The following TACC2 variants were observed in gnomAD, a reference collection of about 807,000 sequenced individuals.
TACC2 encodes the protein transforming acidic coiled-coil-containing protein 2.
Under a neutral mutation model 227.3 loss-of-function variants are expected in TACC2, and 137 were observed. That is an observed-to-expected ratio of 0.60 (90% CI 0.52 to 0.69). The LOEUF is 0.69. Ranked by LOEUF, TACC2 falls within the 30% of genes least tolerant of loss-of-function variation. The probability of loss-of-function intolerance (pLI) is 0.00; values close to 1 mark genes in which losing one functional copy is unlikely to be tolerated. For missense variants in TACC2, 3,470 were observed against 3,694.4 expected, an observed-to-expected ratio of 0.94 and a Z score of 1.57; for synonymous variants, 1,523 against 1,487.5, an observed-to-expected ratio of 1.02 and a Z score of -0.55.
intron 7 of TACC2, among the ~76,000 whole-genome samples, chr10:122,144,393 C>G (rs1213960913): frequency 6.6e-6 from 1 of 152,186 alleles, no homozygotes. Context: ...ATTTGGAACT[C>G]CTGTTTCCAT....
At chr10:122,089,738 T>G (rs2080524455) in intron 5 of TACC2, among the ~76,000 whole-genome samples, 1 of 152,210 alleles carries the variant, frequency 6.6e-6, no homozygotes, top group Non-Finnish European at 1.5e-5. Flanking sequence ...TGCAGGCATT[T>G]TATAAATGAT....
chr10:122,176,179 T>C (rs1287163471), intron 7 of TACC2, among the ~76,000 whole-genome samples: 1 of 147,594 alleles, frequency 6.8e-6, no homozygotes, highest in Non-Finnish European at 1.5e-5. Flanking sequence ...AGTTGTAAGA[T>C]AGAAAAGGCC....
At chr10:122,185,118 G>C (rs1210984125) in intron 7 of TACC2, among the ~76,000 whole-genome samples, 1 of 148,476 alleles carries the variant, frequency 6.7e-6, no homozygotes, top group Non-Finnish European at 1.5e-5. Context: ...CTCCTGCCTC[G>C]GCCTCCCAAA....
intron 5 of TACC2, among the ~76,000 whole-genome samples, chr10:122,121,765 A>G (rs897781031): frequency 1.3e-5 from 2 of 152,172 alleles, no homozygotes; most frequent in African/African-American, 4.8e-5. Flanking sequence ...CTGTGGGCTA[A>G]GAATTCAGCA....
chr10:122,236,547 T>C (rs2095859801), intron 16 of TACC2, among the ~76,000 whole-genome samples: 1 of 151,568 alleles, frequency 6.6e-6, no homozygotes, highest in Admixed American at 6.6e-5. Flanking sequence ...GTGTTGCAAA[T>C]TGCCGAGCAT....
chr10:122,192,287 C>T (rs1004787210), intron 7 of TACC2, among the ~76,000 whole-genome samples: 8 of 152,202 alleles, frequency 5.3e-5, no homozygotes, highest in African/African-American at 9.7e-5. Flanking sequence ...CGATCGTGAA[C>T]GGCGGTCCCT....
At chr10:122,239,237 G>C (rs528740210) in intron 18 of TACC2, among the ~76,000 whole-genome samples, 9 of 152,304 alleles carry the variant, frequency 5.9e-5, no homozygotes, top group African/African-American at 1.9e-4. Context: ...TTGAACTCCT[G>C]ACCTTAGGTG....
chr10:122,016,136 C>T (rs1956581655), intron 1 of TACC2, among the ~76,000 whole-genome samples: 2 of 151,396 alleles, frequency 1.3e-5, no homozygotes, highest in Non-Finnish European at 2.9e-5. Context: ...GTGGTGCACA[C>T]CTGTAGTCCC....
intron 7 of TACC2, among the ~76,000 whole-genome samples, chr10:122,158,987 A>C (rs1212193202): frequency 3.3e-5 from 5 of 152,192 alleles, no homozygotes; most frequent in African/African-American, 1.2e-4. Flanking sequence ...AGACACAGAC[A>C]CACCTGAGAC....
rs553632378 is a variant in TACC2, at chr10:122,084,860, T to C, written c.2360T>C (p.Leu787Ser). The C allele has an allele frequency of 1.2e-6, 2 of 1,613,892 alleles. No homozygotes were observed. Among genetic ancestry groups the C allele is most frequent in the Non-Finnish European group, 1.7e-6 (2 of 1,180,016 alleles). ...GVPHPPQGEN[L>S]AADLGLTALI... is the part of the protein sequence containing the mutation. ...CCACATCCCCCCCAGGGGGAGAACT[T>C]GGCAGCAGACCTGGGGCTCACGGCA... Residue 787 changes from leucine (L) to serine (S), a missense_variant, in exon 4 of 23, where the codon TTG (leucine) becomes TCG (serine). Physicochemically the swap from Leu to Ser is moderately radical, Grantham distance 145 (BLOSUM62 -2). This residue lies in a region of TACC2 where 1,924 missense variants were observed against 1,978.3 expected (regional missense o/e 0.97). Transcript: ENST00000369005.
intron 5 of TACC2, among the ~76,000 whole-genome samples, chr10:122,123,014 A>C (rs183513628): frequency 2.6e-5 from 4 of 151,924 alleles, no homozygotes; most frequent in Admixed American, 1.3e-4. Context: ...CTGGTTTTGG[A>C]GATCATTTTT....
intron 11 of TACC2, 187 bp downstream of exon 11, chr10:122,217,015 C>T: frequency 2.4e-6 from 3 of 1,251,768 alleles, no homozygotes; most frequent in Non-Finnish European, 2.2e-6. Flanking sequence ...GACTTGAAAG[C>T]AGCTGTCCCT....
chr10:122,113,825 G>C (rs555760936), intron 5 of TACC2, among the ~76,000 whole-genome samples: 1 of 152,340 alleles, frequency 6.6e-6, no homozygotes, highest in South Asian at 2.1e-4. Flanking sequence ...TGACCCGCCC[G>C]AGCGTCCCCT....
chr10:122,217,042 C>T (rs2095420139), intron 11 of TACC2: 2 of 969,764 alleles, frequency 2.1e-6, no homozygotes, highest in East Asian at 5.5e-5. Context: ...AAGACTCCTG[C>T]TAAGAGCCAG....
intron 7 of TACC2, among the ~76,000 whole-genome samples, chr10:122,167,938 A>G (rs1005137521): frequency 6.6e-6 from 1 of 151,324 alleles, no homozygotes; most frequent in Non-Finnish European, 1.5e-5. Flanking sequence ...GCAGGCTCAT[A>G]TGTAACAGTG....
intron 11 of TACC2, among the ~76,000 whole-genome samples, chr10:122,218,374 G>A (rs2095454225): frequency 1.3e-5 from 2 of 152,210 alleles, no homozygotes; most frequent in Non-Finnish European, 2.9e-5. Flanking sequence ...CTGTCTGAGT[G>A]GAGTGGTGGT....
intron 7 of TACC2, among the ~76,000 whole-genome samples, chr10:122,155,833 A>ATTTTTTTTTT (rs66559186): frequency 3.4e-5 from 4 of 118,304 alleles, no homozygotes; most frequent in Non-Finnish European, 6.6e-5. Flanking sequence ...TAGTGGGAAA[A>ATTTTTTTTTT]TTTTTTTTTT....
chr10:122,063,853 C>G (rs1377218529), intron 3 of TACC2, among the ~76,000 whole-genome samples: 1 of 151,336 alleles, frequency 6.6e-6, no homozygotes, highest in African/African-American at 2.4e-5. Flanking sequence ...CACACACACA[C>G]ACACCCTTAA....
At chr10:122,217,335 TCAGAAATGGG>T (rs112976610) in intron 11 of TACC2, among the ~76,000 whole-genome samples, 1 of 151,914 alleles carries the variant, frequency 6.6e-6, no homozygotes, top group African/African-American at 2.4e-5. Flanking sequence ...GATTCCCTCC[TCAGAAATGGG>T]CAGAAATGGG....
Sources: gnomAD v4.1 joint callset for allele counts (sites outside exome capture counted in the v4.1 genomes callset) on GRCh38, gnomAD v4.1.1 for gene constraint, gnomAD v4.1.1 regional missense constraint, MANE v1.5 for transcripts, NCBI Gene and HGNC (gene_info 2026-07-23, HGNC 2026-07-21) for gene names.